DIAPH2: variants seen among roughly 807,000 people sequenced by gnomAD.
The protein encoded by DIAPH2 is diaphanous related formin 2.
Under a neutral mutation model 92.7 loss-of-function variants are expected in DIAPH2, and 35 were observed. The ratio of observed to expected loss-of-function variants is 0.38; its 90% CI spans 0.29 to 0.50. The LOEUF (loss-of-function observed/expected upper bound fraction) is 0.50, where lower values mean the gene tolerates loss of function less well. Ranked by LOEUF, DIAPH2 falls within the 20% of genes least tolerant of loss-of-function variation. DIAPH2 has a pLI of 0.94. For missense variants in DIAPH2, 701 were observed against 819.5 expected (o/e 0.86, Z 1.77); for synonymous variants, 301 against 280.4 (o/e 1.07, Z -0.73).
intron 20 of DIAPH2, among the ~76,000 whole-genome samples, chrX:97,107,671 C>A (rs1177257752): frequency 8.9e-6 from 1 of 111,942 alleles, no homozygotes; most frequent in Admixed American, 9.5e-5. Context: ...AATGTGGTTT[C>A]ATGATCATTC....
chrX:97,498,959 T>A (rs1476178329), intron 26 of DIAPH2, among the ~76,000 whole-genome samples: 1 of 111,214 alleles, frequency 9.0e-6, no homozygotes, highest in Non-Finnish European at 1.9e-5. Flanking sequence ...CAGGTTGGAT[T>A]ACTAATCTGA....
At chrX:97,262,712 G>A (rs2068298857) in intron 23 of DIAPH2, among the ~76,000 whole-genome samples, 1 of 111,518 alleles carries the variant, frequency 9.0e-6, no homozygotes, top group African/African-American at 3.3e-5. Context: ...AGTATAAGGG[G>A]AAGGTACACA....
chrX:97,572,284 A>G (rs1160807392), intron 26 of DIAPH2, among the ~76,000 whole-genome samples: 1 of 111,511 alleles, frequency 9.0e-6, no homozygotes, highest in Non-Finnish European at 1.9e-5. Flanking sequence ...CAGCATCTGT[A>G]AAATTTTACA....
intron 24 of DIAPH2, among the ~76,000 whole-genome samples, chrX:97,371,552 G>A (rs1044679058): frequency 2.7e-5 from 3 of 111,408 alleles, no homozygotes; most frequent in African/African-American, 9.8e-5. Flanking sequence ...AGGTTCCTGA[G>A]GGAGATCATG....
intron 25 of DIAPH2, among the ~76,000 whole-genome samples, chrX:97,427,231 A>G (rs189181275): frequency 9.0e-6 from 1 of 111,604 alleles, no homozygotes; most frequent in East Asian, 2.8e-4. Flanking sequence ...TACTACTAGA[A>G]TATTTAGCAT....
intron 16 of DIAPH2, among the ~76,000 whole-genome samples, chrX:96,960,136 T>C (rs2065837851): frequency 1.8e-5 from 2 of 111,601 alleles, no homozygotes; most frequent in Non-Finnish European, 3.8e-5. Flanking sequence ...TTCCTATTTT[T>C]TGTGAAAAAA....
At chrX:97,086,212 AAC>A (rs1441436059) in intron 19 of DIAPH2, among the ~76,000 whole-genome samples, 13 of 112,046 alleles carry the variant, frequency 1.2e-4, no homozygotes, top group Non-Finnish European at 2.3e-4. Flanking sequence ...TACATGTTGG[AAC>A]ACTATTCACC....
intron 4 of DIAPH2, among the ~76,000 whole-genome samples, chrX:96,836,729 T>A (rs1459777464): frequency 5.2e-5 from 3 of 57,341 alleles, no homozygotes; most frequent in Admixed American, 1.9e-4. Context: ...TTTTTTTTTT[T>A]TTTTTTTTTT....
intron 4 of DIAPH2, among the ~76,000 whole-genome samples, chrX:96,772,644 C>T (rs183519294): frequency 8.9e-6 from 1 of 112,062 alleles, no homozygotes; most frequent in Non-Finnish European, 1.9e-5. Flanking sequence ...AATTCGGATA[C>T]CATGATTATT....
chrX:97,228,531 T>C (rs1379123045), intron 22 of DIAPH2, among the ~76,000 whole-genome samples: 3 of 112,120 alleles, frequency 2.7e-5, no homozygotes, highest in African/African-American at 9.7e-5. Flanking sequence ...CTCACTTTTT[T>C]CTTTCTAAGA....
chrX:97,320,452 G>C (rs2068882630), intron 23 of DIAPH2, among the ~76,000 whole-genome samples: 1 of 110,988 alleles, frequency 9.0e-6, no homozygotes, highest in Non-Finnish European at 1.9e-5. Flanking sequence ...GGTAGCTCTT[G>C]GCTGTAATCC....
intron 17 of DIAPH2, among the ~76,000 whole-genome samples, chrX:97,008,011 C>G (rs1319927238): frequency 9.7e-6 from 1 of 102,928 alleles, no homozygotes; most frequent in African/African-American, 3.6e-5. Context: ...ATCCGCCTGC[C>G]TTGGCCTCCC....
At chrX:97,067,392 C>CA (rs895731277) in intron 17 of DIAPH2, among the ~76,000 whole-genome samples, 3 of 111,594 alleles carry the variant, frequency 2.7e-5, no homozygotes, top group Non-Finnish European at 5.7e-5. Flanking sequence ...ATTTTTATGT[C>CA]AAAAAATAGG....
chrX:96,801,813 T>TC lies in DIAPH2; in HGVS notation c.447+43559dup, dbSNP rs911388359. ...AAGTATATGCATTAGAAATAAAATC[T>TC]CCCCACCCTACATGGTAGAGGTACT... is the stretch of plus-strand genomic sequence containing the variant. On this transcript the variant is annotated intron_variant, in intron 4 of 26. Transcript: ENST00000324765. 5.4e-5 allele frequency among the ~76,000 whole-genome samples: 6 copies of TC among 111,862 alleles called. No homozygotes were observed. The East Asian group carries it at 8.4e-4, about 16-fold the overall frequency.
chrX:96,767,121 A>C (rs906856678), intron 4 of DIAPH2, among the ~76,000 whole-genome samples: 3 of 110,168 alleles, frequency 2.7e-5, no homozygotes, highest in Admixed American at 9.7e-5. Flanking sequence ...TTTATTTTTA[A>C]CTCTTAGGGA....
At chrX:97,089,635 A>C (rs1160311248) in intron 19 of DIAPH2, among the ~76,000 whole-genome samples, 2 of 111,813 alleles carry the variant, frequency 1.8e-5, no homozygotes, top group East Asian at 5.6e-4. Context: ...ATTGCATTTC[A>C]TTTGATGGTA....
At chrX:96,962,515 A>ATATATATATATATATT (rs1439423326) in intron 16 of DIAPH2, among the ~76,000 whole-genome samples, 1 of 90,857 alleles carries the variant, frequency 1.1e-5, no homozygotes, top group Non-Finnish European at 2.1e-5. Context: ...ATATATATAT[A>ATATATATATATATATT]TATATATACC....
intron 17 of DIAPH2, among the ~76,000 whole-genome samples, chrX:97,019,811 A>C (rs1180131332): frequency 9.0e-6 from 1 of 111,723 alleles, no homozygotes; most frequent in Non-Finnish European, 1.9e-5. Context: ...AGTATTAATG[A>C]TAAATTTTTC....
At chrX:96,801,466 A>G (rs781103848) in intron 4 of DIAPH2, among the ~76,000 whole-genome samples, 8 of 111,981 alleles carry the variant, frequency 7.1e-5, no homozygotes, top group Non-Finnish European at 1.5e-4. Flanking sequence ...CTCTAATCTG[A>G]CAAAGATAAT....
Sources: allele counts gnomAD v4.1 joint callset (sites outside exome capture counted in the v4.1 genomes callset), GRCh38; gene constraint gnomAD v4.1.1; transcripts MANE v1.5; gene names NCBI Gene and HGNC (gene_info 2026-07-23, HGNC 2026-07-21).